TYW5: variants seen among roughly 807,000 people sequenced by gnomAD.
The protein encoded by TYW5 is tRNA wybutosine-synthesizing protein 5.
A neutral mutation model predicts 44.4 loss-of-function variants in TYW5; 36 were observed. The ratio of observed to expected loss-of-function variants is 0.81; its 90% CI spans 0.62 to 1.07. The LOEUF is 1.07. Among genes scored for constraint, TYW5 ranks in the 50% least tolerant of loss-of-function variants. The probability of loss-of-function intolerance (pLI) is 0.00; values close to 1 mark genes in which losing one functional copy is unlikely to be tolerated. For synonymous variants in TYW5, 121 were observed against 128.1 expected (o/e 0.94, Z 0.37); for missense variants, 354 against 365.7 (o/e 0.97, Z 0.26).
chr2:199,932,052 C>CA lies in TYW5; in HGVS notation c.*1014dup, dbSNP rs1194493351. The CA allele has an allele frequency of 6.6e-6, 1 of 151,800 alleles. No homozygotes were observed. Among genetic ancestry groups the CA allele is most frequent in the Non-Finnish European group, 1.5e-5 (1 of 67,938 alleles). The allele number at this position is 151,800 out of a possible 1,614,324, so 9.4% of individuals were successfully genotyped here. ...TATTTATTTTGTAACATTCAAAAAC[C>CA]AAAAACCACCCTGACATACTGGGTG... On this transcript the variant is annotated 3_prime_UTR_variant, in exon 8 of 8. Transcript: ENST00000354611.
chr2:199,954,099 C>T (rs563223122), intron 1 of TYW5, among the ~76,000 whole-genome samples: 48 of 70,556 alleles, frequency 6.8e-4, no homozygotes, highest in African/African-American at 3.0e-3. Flanking sequence ...CGCATCCCCC[C>T]AACCCCGCCT....
At position 199,929,921 on chromosome 2, in the gene TYW5, A is replaced by G. The variant is rs905741040; in HGVS notation, c.*3146T>C. On this transcript the variant is annotated 3_prime_UTR_variant, in exon 8 of 8. Coordinates refer to ENST00000354611, the MANE Select transcript of TYW5 (RefSeq NM_001039693.3). ...ACTCCTCCTGCCTCAGCCTCCCAAGATGCTGGGACTACAGGTGTGGACCAC... is the reference window on the plus strand; with the variant it reads ...ACTCCTCCTGCCTCAGCCTCCCAAGGTGCTGGGACTACAGGTGTGGACCAC... The G allele has an allele frequency of 1.3e-5, 2 of 150,720 alleles. No individual in the cohort carries two copies. The highest frequency in any genetic ancestry group is 6.6e-5 in the Admixed American group (1 of 15,080). The allele number at this position is 150,720 out of a possible 1,614,324, so 9.3% of individuals were successfully genotyped here.
chr2:199,941,342 A>C (rs1444517792), intron 3 of TYW5, among the ~76,000 whole-genome samples: 1 of 152,202 alleles, frequency 6.6e-6, no homozygotes, highest in Non-Finnish European at 1.5e-5. Flanking sequence ...TGCGAGGCCA[A>C]AAATTATTAT....
rs1191975650 is a variant in TYW5 at position 199,929,292 on chromosome 2, A to G, written c.*3775T>C. On this transcript the variant is annotated 3_prime_UTR_variant, in exon 8 of 8. Coordinates refer to ENST00000354611, the MANE Select transcript of TYW5 (RefSeq NM_001039693.3). ...CATGGCACATGTATACATATGTAAC[A>G]AACCTGCACGTTGTGCACATGTACC... is the stretch of plus-strand genomic sequence containing the variant. Among the ~76,000 whole-genome samples, 1 of 152,220 alleles carries G rather than the reference A, an allele frequency of 6.6e-6. No individual in the cohort carries two copies. The highest frequency in any genetic ancestry group is 1.5e-5 in the Non-Finnish European group (1 of 68,042).
In TYW5 at chr2:199,942,071, CT is replaced by C. The variant is rs112042654; in HGVS notation, c.303+1693del. ...CTTTTGCACTCCTTGTTTTTCTTTT[CT>C]TTTTTTTTTTTTGAGACGGAGTCTT... On this transcript the variant is annotated intron_variant, in intron 3 of 7. Coordinates refer to ENST00000354611, the MANE Select transcript of TYW5 (RefSeq NM_001039693.3). 217 of 144,708 alleles carry C rather than the reference CT, an allele frequency of 1.5e-3. 2 individuals are homozygous for C. The highest frequency in any genetic ancestry group is 3.6e-3 in the Middle Eastern group (1 of 280). 9.0% of individuals were successfully genotyped at this position (144,708 alleles called of 1,614,324 possible). A position where few individuals can be genotyped will look rare whatever the true frequency, so the allele number is the denominator to read the frequency against.
In TYW5 at chr2:199,940,132, T is replaced by A; in HGVS notation, c.305A>T (p.Asp102Val). Reference protein sequence around the residue: ...EKHKEFFVSEDEKYYLRSLGE... With the variant: ...EKHKEFFVSEVEKYYLRSLGE... ...AAGTGACCGTAAGTAGTATTTCTCA[T>A]CCTTAAACACCCCAGAGAAAAATAA... Residue 102 changes from aspartate to valine, a missense_variant and splice_region_variant, in exon 4 of 8, where the codon GAT becomes GTT. Transcript: ENST00000354611. The A allele has an allele frequency of 6.2e-7, 1 of 1,612,588 alleles. No individual in the cohort carries two copies.
At chr2:199,951,026 T>G (rs1411225506) in intron 1 of TYW5, among the ~76,000 whole-genome samples, 1 of 152,234 alleles carries the variant, frequency 6.6e-6, no homozygotes, top group Admixed American at 6.5e-5. Context: ...CACCAAAAAT[T>G]GAGTAATTAT....
intron 1 of TYW5, among the ~76,000 whole-genome samples, chr2:199,952,004 A>G (rs1450055311): frequency 5.9e-5 from 9 of 151,924 alleles, no homozygotes; most frequent in Non-Finnish European, 1.0e-4. Context: ...GTGACAGAGC[A>G]AGACTCCGTC....
Position 199,955,491 on chromosome 2 carries a change from T to G in TYW5, c.-21A>C. 1 of 1,611,668 alleles carries G rather than the reference T, an allele frequency of 6.2e-7. No homozygotes were observed. Among genetic ancestry groups the G allele is most frequent in the Non-Finnish European group, 8.5e-7 (1 of 1,179,220 alleles). ...GCCATGGTTGCTCACGCCTGCCCTC[T>G]TCCAGGTCTTCGGAACTTCGGCTCT... On this transcript the variant is annotated 5_prime_UTR_variant, in exon 1 of 8. Coordinates refer to ENST00000354611, the MANE Select transcript of TYW5 (RefSeq NM_001039693.3).
At chr2:199,935,430 C>G (rs1431747288) in intron 7 of TYW5, among the ~76,000 whole-genome samples, 1 of 151,824 alleles carries the variant, frequency 6.6e-6, no homozygotes, top group African/African-American at 2.4e-5. Context: ...TCAACCTCAA[C>G]CTCGTGGGCC....
chr2:199,953,734 T>C (rs1236395169), intron 1 of TYW5, among the ~76,000 whole-genome samples: 3 of 152,212 alleles, frequency 2.0e-5, no homozygotes, highest in Admixed American at 2.0e-4. Context: ...TGTTTCCAGA[T>C]AGAAAGGTCT....
chr2:199,932,755 G>T lies in TYW5; in HGVS notation c.*312C>A. ...TCCCAAGGTTCTTGATGACATTACT[G>T]AATCATTGGATCAGAAACACTGCAG... On this transcript the variant is annotated 3_prime_UTR_variant, in exon 8 of 8. Transcript: ENST00000354611. The T allele has an allele frequency of 3.7e-6, 1 of 268,922 alleles. No individual in the cohort carries two copies. Among genetic ancestry groups the T allele is most frequent in the Non-Finnish European group, 7.0e-6 (1 of 142,158 alleles). The allele number at this position is 268,922 out of a possible 1,614,324, so 16.7% of individuals were successfully genotyped here.
chr2:199,954,145 C>T (rs1430593835), intron 1 of TYW5, among the ~76,000 whole-genome samples: 1 of 151,802 alleles, frequency 6.6e-6, no homozygotes, highest in Non-Finnish European at 1.5e-5. Context: ...CCCTCTCGCC[C>T]ATGCTGGAGC....
rs868506627 is a variant in TYW5 at position 199,933,043 on chromosome 2, T to C, written c.*24A>G. 1 of 1,608,420 alleles carries C rather than the reference T, an allele frequency of 6.2e-7. No homozygotes were observed. Among genetic ancestry groups the C allele is most frequent in the Non-Finnish European group, 8.5e-7 (1 of 1,177,730 alleles). On this transcript the variant is annotated 3_prime_UTR_variant, in exon 8 of 8. Coordinates refer to ENST00000354611, the MANE Select transcript of TYW5 (RefSeq NM_001039693.3). ...TCGTTATACCTTACTAAAGTGTTAA[T>C]GTGCATTGCATTCACTTCATTATTT...
chr2:199,932,366 TA>T lies in TYW5; in HGVS notation c.*700del, dbSNP rs2077386062. The T allele has an allele frequency of 6.6e-6, 1 of 152,196 alleles. No homozygotes were observed. The highest frequency in any genetic ancestry group is 2.1e-4 in the South Asian group (1 of 4,824). The allele number at this position is 152,196 out of a possible 1,614,324, so 9.4% of individuals were successfully genotyped here. A position where few individuals can be genotyped will look rare whatever the true frequency, so the allele number is the denominator to read the frequency against. Reference sequence around the variant, plus strand: ...GTTTTTCCTATCAGAACCATGATTTTAAAAAAACTATCCTTTCTGTCCCCAT... The same window carrying T: ...GTTTTTCCTATCAGAACCATGATTTTAAAAAACTATCCTTTCTGTCCCCAT... On this transcript the variant is annotated 3_prime_UTR_variant, in exon 8 of 8. Coordinates refer to ENST00000354611, the MANE Select transcript of TYW5 (RefSeq NM_001039693.3).
At chr2:199,952,463 C>T (rs551133564) in intron 1 of TYW5, among the ~76,000 whole-genome samples, 3 of 152,276 alleles carry the variant, frequency 2.0e-5, no homozygotes, top group Admixed American at 6.5e-5. Context: ...AGTTTAAAGG[C>T]CATTTTAATG....
At chr2:199,937,468 G>C (rs1174230349) in intron 5 of TYW5, among the ~76,000 whole-genome samples, 1 of 151,178 alleles carries the variant, frequency 6.6e-6, no homozygotes, top group Non-Finnish European at 1.5e-5. Flanking sequence ...TTTGAGACCA[G>C]CCTGGCCAAC....
intron 1 of TYW5, 111 bp from the exon 2 acceptor site, chr2:199,948,583 A>G: frequency 9.5e-7 from 1 of 1,050,542 alleles, no homozygotes; most frequent in Non-Finnish European, 1.4e-6. Flanking sequence ...CTTGCTCCCA[A>G]GATGCTTGAA....
At chr2:199,952,350 A>G (rs1258641799) in intron 1 of TYW5, among the ~76,000 whole-genome samples, 1 of 152,252 alleles carries the variant, frequency 6.6e-6, no homozygotes, top group Non-Finnish European at 1.5e-5. Context: ...GGGCATCACC[A>G]AGAGAGTATT....
Sources: gnomAD v4.1 joint callset for allele counts (sites outside exome capture counted in the v4.1 genomes callset) on GRCh38, gnomAD v4.1.1 for gene constraint, MANE v1.5 for transcripts, NCBI Gene and HGNC (gene_info 2026-07-23, HGNC 2026-07-21) for gene names.